IPCEF1: variants seen among roughly 807,000 people sequenced by gnomAD.
The protein encoded by IPCEF1 is interactor protein for cytohesin exchange factors 1.
IPCEF1 carries 31 observed loss-of-function variants against 50.9 expected under a neutral mutation model. The ratio of observed to expected loss-of-function variants is 0.61; its 90% CI spans 0.46 to 0.82. IPCEF1 has a LOEUF of 0.82. Among genes scored for constraint, IPCEF1 ranks in the 40% least tolerant of loss-of-function variants. The pLI is 0.00. For synonymous variants in IPCEF1, 181 were observed against 192.0 expected (o/e 0.94, Z 0.47); for missense variants, 458 against 514.0 (o/e 0.89, Z 1.05).
At chr6:154,164,405 A>G (rs1562518378) in intron 11 of IPCEF1, among the ~76,000 whole-genome samples, 1 of 152,232 alleles carries the variant, frequency 6.6e-6, no homozygotes, top group African/African-American at 2.4e-5. Context: ...ACAATAATAC[A>G]GAAGAAGGAA....
chr6:154,296,789 A>C (rs1171735081), intron 1 of IPCEF1, among the ~76,000 whole-genome samples: 1 of 150,268 alleles, frequency 6.7e-6, no homozygotes, highest in Admixed American at 6.7e-5. Context: ...AGATCACCCC[A>C]CTGCACTCCA....
rs1255044768 is a variant in IPCEF1, at chr6:154,199,920, G to T, written c.658C>A (p.Gln220Lys). The part of the protein sequence containing the change: ...SFPSSLSKER[Q>K]SLPDTVNSLS... ...CTGTTAACTGTGTCAGGCAAGGATT[G>T]TCTCTCTTTAGATAAGGAGGAAGGA... Residue 220 changes from glutamine to lysine, a missense_variant, in exon 10 of 12, where the codon CAA becomes AAA. Physicochemically the swap from Gln to Lys is moderately conservative, Grantham distance 53. Coordinates refer to ENST00000367220, the MANE Select transcript of IPCEF1 (RefSeq NM_001130700.2). The T allele has an allele frequency of 6.2e-7, 1 of 1,614,084 alleles. No homozygotes were observed. Among genetic ancestry groups the T allele is most frequent in the East Asian group, 2.2e-5 (1 of 44,888 alleles).
At chr6:154,272,833 C>T (rs1013080221) in intron 2 of IPCEF1, among the ~76,000 whole-genome samples, 2 of 152,128 alleles carry the variant, frequency 1.3e-5, no homozygotes, top group African/African-American at 4.8e-5. Flanking sequence ...CCCCAACAAA[C>T]ACACTATTTA....
chr6:154,315,403 A>G (rs76682833), intron 1 of IPCEF1, among the ~76,000 whole-genome samples: 3,207 of 152,258 alleles, frequency 0.021, 59 homozygotes, highest in Non-Finnish European at 0.032. Flanking sequence ...TAGAAACTGA[A>G]CAGCTTTCTC....
intron 1 of IPCEF1, among the ~76,000 whole-genome samples, chr6:154,312,027 C>T (rs1161313036): frequency 6.6e-6 from 1 of 152,182 alleles, no homozygotes; most frequent in Non-Finnish European, 1.5e-5. Flanking sequence ...TTCATAGCAG[C>T]ACTATTCACA....
intron 10 of IPCEF1, among the ~76,000 whole-genome samples, chr6:154,194,380 C>T (rs1303820675): frequency 6.6e-6 from 1 of 151,942 alleles, no homozygotes; most frequent in Admixed American, 6.5e-5. Flanking sequence ...GCATGGGCAA[C>T]AAGAGTGAAA....
intron 10 of IPCEF1, among the ~76,000 whole-genome samples, chr6:154,197,988 A>T (rs1776756397): frequency 6.6e-6 from 1 of 152,236 alleles, no homozygotes; most frequent in Admixed American, 6.5e-5. Context: ...GATAGAGGTC[A>T]TCTAGTTCAA....
In IPCEF1 at chr6:154,246,584, G is replaced by GACTC; in HGVS notation, c.246+3_246+6dup. On this transcript the variant is annotated splice_region_variant and intron_variant, in intron 5 of 11. Transcript: ENST00000367220. ...GGCTGGGAATAGGAGGAAGAAAGCA[G>GACTC]ACTCACCATTTGATTGCTATACCAG... is the stretch of plus-strand genomic sequence containing the variant. The GACTC allele has an allele frequency of 1.2e-6, 2 of 1,606,760 alleles. No homozygotes were observed. Among genetic ancestry groups the GACTC allele is most frequent in the Non-Finnish European group, 1.7e-6 (2 of 1,175,192 alleles).
chr6:154,246,433 T>C (rs1055579472), intron 5 of IPCEF1, among the ~76,000 whole-genome samples, 158 bp downstream of exon 5: 3 of 152,220 alleles, frequency 2.0e-5, no homozygotes, highest in African/African-American at 7.2e-5. Flanking sequence ...ATAACCTACA[T>C]ATCTACTGCA....
At chr6:154,339,510 A>G (rs933430010) in intron 1 of IPCEF1, among the ~76,000 whole-genome samples, 3 of 151,892 alleles carry the variant, frequency 2.0e-5, no homozygotes, top group Non-Finnish European at 4.4e-5. Context: ...CCAGGCCTCA[A>G]GCATTGCTCC....
chr6:154,345,799 A>G (rs1562297446), intron 1 of IPCEF1, among the ~76,000 whole-genome samples: 1 of 151,994 alleles, frequency 6.6e-6, no homozygotes, highest in Non-Finnish European at 1.5e-5. Context: ...TTATATCTAA[A>G]ATATATAATG....
intron 1 of IPCEF1, among the ~76,000 whole-genome samples, chr6:154,346,019 C>A (rs1479685546): frequency 6.6e-6 from 1 of 152,054 alleles, no homozygotes. Context: ...GCATGTGCCA[C>A]CGCGCCTGGC....
chr6:154,204,947 CT>C (rs1385445238), intron 9 of IPCEF1, among the ~76,000 whole-genome samples: 1 of 152,230 alleles, frequency 6.6e-6, no homozygotes, highest in African/African-American at 2.4e-5. Context: ...CACTGGCCTT[CT>C]TTCTGTCCCA....
At chr6:154,284,754 C>G (rs1310650458) in intron 2 of IPCEF1, among the ~76,000 whole-genome samples, 2 of 152,184 alleles carry the variant, frequency 1.3e-5, no homozygotes, top group Non-Finnish European at 2.9e-5. Flanking sequence ...ATAATTCCAG[C>G]ACTTTGGGAG....
chr6:154,351,138 G>A (rs1180884938), intron 1 of IPCEF1, among the ~76,000 whole-genome samples: 1 of 152,218 alleles, frequency 6.6e-6, no homozygotes, highest in East Asian at 1.9e-4. Flanking sequence ...AAGTCTCCTA[G>A]CCTTTTGATC....
chr6:154,242,238 G>C (rs1445529667), intron 5 of IPCEF1, among the ~76,000 whole-genome samples: 1 of 152,146 alleles, frequency 6.6e-6, no homozygotes, highest in African/African-American at 2.4e-5. Flanking sequence ...GAGCAGCTGT[G>C]CAGGACCTAA....
At chr6:154,173,306 G>T (rs1448446914) in intron 10 of IPCEF1, among the ~76,000 whole-genome samples, 2 of 152,174 alleles carry the variant, frequency 1.3e-5, no homozygotes, top group Non-Finnish European at 2.9e-5. Flanking sequence ...AACAAAACTG[G>T]ATGGAGAATG....
intron 10 of IPCEF1, among the ~76,000 whole-genome samples, chr6:154,184,083 T>G (rs1801130315): frequency 6.6e-6 from 1 of 152,058 alleles, no homozygotes; most frequent in African/African-American, 2.4e-5. Context: ...CTGGTACAGC[T>G]GTTGTTGTTG....
At chr6:154,270,291 A>G (rs546017388) in intron 2 of IPCEF1, among the ~76,000 whole-genome samples, 8 of 152,380 alleles carry the variant, frequency 5.3e-5, no homozygotes, top group Admixed American at 1.3e-4. Context: ...ATAAATCATC[A>G]TGAGATATTT....
Sources: gnomAD v4.1 joint callset for allele counts (sites outside exome capture counted in the v4.1 genomes callset) on GRCh38, gnomAD v4.1.1 for gene constraint, MANE v1.5 for transcripts, NCBI Gene and HGNC (gene_info 2026-07-23, HGNC 2026-07-21) for gene names.